COL1A2: variants seen among roughly 807,000 people sequenced by gnomAD.
The protein encoded by COL1A2 is collagen type I alpha 2 chain, also known as collagen alpha-2(I) chain.
Under a neutral mutation model 174.3 loss-of-function variants are expected in COL1A2, and 49 were observed. That is an observed-to-expected ratio of 0.28 (90% CI 0.22 to 0.36). The LOEUF (loss-of-function observed/expected upper bound fraction) is 0.36, where lower values mean the gene tolerates loss of function less well. COL1A2 is among the 10% of genes least tolerant of loss of function. COL1A2 has a pLI of 1.00. For synonymous variants in COL1A2, 655 were observed against 606.6 expected (o/e 1.08, Z -1.17); for missense variants, 1,438 against 1,822.7 (o/e 0.79, Z 3.84).
At chr7:94,408,967 C>A in intron 16 of COL1A2, 144 bp downstream of exon 16, 1 of 816,418 alleles carries the variant, frequency 1.2e-6, no homozygotes, top group Non-Finnish European at 2.0e-6. Flanking sequence ...CATAGAATGA[C>A]CAGTTTTCTC....
chr7:94,419,430 G>T, intron 33 of COL1A2, 68 bp from the exon 34 acceptor site: 1 of 1,561,218 alleles, frequency 6.4e-7, no homozygotes, highest in East Asian at 2.2e-5. Flanking sequence ...CAGAAAAAAA[G>T]AATGACAAGG....
chr7:94,420,108 T>C, intron 34 of COL1A2, 125 bp from the exon 35 acceptor site: 1 of 1,210,194 alleles, frequency 8.3e-7, no homozygotes, highest in Non-Finnish European at 1.2e-6. Context: ...CTGTGAGATG[T>C]GCGTCAGTTA....
chr7:94,421,122 T>C, intron 38 of COL1A2, 60 bp downstream of exon 38: 1 of 1,576,728 alleles, frequency 6.3e-7, no homozygotes. Flanking sequence ...TAAGGACACT[T>C]GAAAGTTTTG....
At chr7:94,399,941 T>C (rs576818749) in intron 4 of COL1A2, 26 of 561,198 alleles carry the variant, frequency 4.6e-5, no homozygotes, top group East Asian at 2.4e-4. Context: ...ATTTGAATAC[T>C]GGAGCTTCAG....
chr7:94,413,650 C>T, intron 26 of COL1A2, 40 bp from the exon 27 acceptor site: 1 of 1,597,702 alleles, frequency 6.3e-7, no homozygotes, highest in African/African-American at 1.3e-5. Context: ...AACTACCTGG[C>T]TTGCAGCTAA....
At chr7:94,417,158 A>T (rs928002731) in intron 31 of COL1A2, among the ~76,000 whole-genome samples, 2 of 152,236 alleles carry the variant, frequency 1.3e-5, no homozygotes, top group African/African-American at 2.4e-5. Flanking sequence ...GGAAAAAAAT[A>T]AAAACATAAA....
chr7:94,406,466 CTG>C (rs1747541623), intron 12 of COL1A2, among the ~76,000 whole-genome samples, 163 bp downstream of exon 12: 1 of 151,726 alleles, frequency 6.6e-6, no homozygotes, highest in African/African-American at 2.4e-5. Flanking sequence ...CTATGAGAGT[CTG>C]TGAAAAAAGG....
At position 94,395,108 on chromosome 7, in the gene COL1A2, G is replaced by T; in HGVS notation, c.70+7G>T. The T allele has an allele frequency of 6.2e-7, 1 of 1,613,574 alleles. No homozygotes were observed. Among genetic ancestry groups the T allele is most frequent in the Non-Finnish European group, 8.5e-7 (1 of 1,179,556 alleles). ...TGCCTAGCAACATGCCAATGTAAGT[G>T]CCTTCAGCTTGTTTGGGGGAGACTG... On this transcript the variant is annotated splice_region_variant and intron_variant, in intron 1 of 51. Transcript: ENST00000297268.
Position 94,429,222 on chromosome 7 carries a change from A to T in COL1A2, c.3746A>T (p.Glu1249Val). 1 of 1,613,004 alleles carries T rather than the reference A, an allele frequency of 6.2e-7. No individual in the cohort carries two copies. Residue 1249 changes from glutamate (E) to valine (V), a missense_variant, in exon 51 of 52, where the codon GAA (glutamate) becomes GTA (valine). Around this residue, in one of 3 missense-constraint regions of COL1A2, gnomAD observed 290 missense variants for 298.1 expected, o/e 0.97. Coordinates refer to ENST00000297268, the MANE Select transcript of COL1A2 (RefSeq NM_000089.4). ...EYNVEGVTSKEMATQLAFMRL... is the reference protein window; with the variant it reads ...EYNVEGVTSKVMATQLAFMRL... The stretch of plus-strand genomic sequence containing the variant: ...AATGTAGAAGGAGTGACTTCCAAGG[A>T]AATGGCTACCCAACTTGCCTTCATG...
At position 94,416,420 on chromosome 7, in the gene COL1A2, C is replaced by G. The variant is rs1396856908; in HGVS notation, c.1780C>G (p.Pro594Ala). ...PAGPRGERGP[P>A]GESGAAGPTG... The stretch of plus-strand genomic sequence containing the variant: ...CTTTTTTCAGGGGGAACGCGGTCCC[C>G]CAGGTGAGAGTGGTGCTGCCGGTCC... Residue 594 changes from proline to alanine, a missense_variant, in exon 31 of 52, where the codon CCA becomes GCA. Pro to Ala is a conservative substitution (Grantham distance 27). Around this residue, in one of 3 missense-constraint regions of COL1A2, gnomAD observed 867 missense variants for 1,213.7 expected, o/e 0.71. Coordinates refer to ENST00000297268, the MANE Select transcript of COL1A2 (RefSeq NM_000089.4). 7.0e-6 allele frequency: 11 copies of G among 1,579,560 alleles called. No individual in the cohort carries two copies. Among genetic ancestry groups the G allele is most frequent in the Non-Finnish European group, 9.5e-6 (11 of 1,161,858 alleles).
chr7:94,408,459 A>T, intron 15 of COL1A2, 79 bp downstream of exon 15: 1 of 1,478,266 alleles, frequency 6.8e-7, no homozygotes, highest in Non-Finnish European at 9.5e-7. Context: ...TCTCTTACGA[A>T]ATAGCATCAT....
In COL1A2 at chr7:94,413,728, A is replaced by G; in HGVS notation, c.1596A>G (p.Gly532=). The G allele has an allele frequency of 6.2e-7, 1 of 1,614,130 alleles. No homozygotes were observed. The highest frequency in any genetic ancestry group is 8.5e-7 in the Non-Finnish European group (1 of 1,180,036). Reference sequence around the variant, plus strand: ...CTGATGGAAACAATGGTGCTCAGGGACCTCCTGGACCACAGGTGAGTATTT... The same window carrying G: ...CTGATGGAAACAATGGTGCTCAGGGGCCTCCTGGACCACAGGTGAGTATTT... The part of the protein sequence containing the change: ...PGPDGNNGAQ[G]PPGPQGVQGG... Residue 532 remains glycine (G), a synonymous_variant, in exon 27 of 52, where the codon GGA becomes GGG. Coordinates refer to ENST00000297268, the MANE Select transcript of COL1A2 (RefSeq NM_000089.4).
chr7:94,423,460 T>G (rs536786132), intron 40 of COL1A2: 1 of 361,832 alleles, frequency 2.8e-6, no homozygotes, highest in East Asian at 6.6e-5. Flanking sequence ...ACCAATTTCT[T>G]AAACATACAC....
intron 1 of COL1A2, 46 bp from the exon 2 acceptor site, chr7:94,397,702 G>C (rs189048266): frequency 7.5e-6 from 8 of 1,072,334 alleles, no homozygotes; most frequent in Non-Finnish European, 1.0e-5. Flanking sequence ...GATCCATGAA[G>C]TGATACTAAT....
chr7:94,412,613 C>A lies in COL1A2; in HGVS notation c.1434C>A (p.Gly478=), dbSNP rs756412829. 6.2e-7 allele frequency: 1 copy of A among 1,613,910 alleles called. No homozygotes were observed. Among genetic ancestry groups the A allele is most frequent in the Non-Finnish European group, 8.5e-7 (1 of 1,179,932 alleles). The change falls in exon 25 of 52, where the codon GGC becomes GGA. Residue 478 remains glycine (G), a synonymous_variant. Coordinates refer to ENST00000297268, the MANE Select transcript of COL1A2 (RefSeq NM_000089.4). ...TCCCTGGCATCGACGGCAGGCCTGG[C>A]CCAATTGGCCCAGCTGGAGCAAGAG... ...VGLPGIDGRP[G]PIGPAGARGE... is the part of the protein sequence containing the mutation.
chr7:94,408,929 C>T (rs1427081633), intron 16 of COL1A2, 106 bp downstream of exon 16: 1 of 1,050,484 alleles, frequency 9.5e-7, no homozygotes, highest in African/African-American at 1.6e-5. Flanking sequence ...AAACAGTTAC[C>T]TTAATTATTC....
In COL1A2 at chr7:94,408,751, C is replaced by T. The variant is rs1450245841; in HGVS notation, c.739-19C>T. 7 of 1,613,416 alleles carry T rather than the reference C, an allele frequency of 4.3e-6. No homozygotes were observed. Among genetic ancestry groups the T allele is most frequent in the Non-Finnish European group, 5.9e-6 (7 of 1,179,712 alleles). ...TTTACTTGGAGGAAATTTCTTACCA[C>T]CTTCTGCTTTGATTTCAGGGTCCCA... On this transcript the variant is annotated intron_variant, in intron 15 of 51. Coordinates refer to ENST00000297268, the MANE Select transcript of COL1A2 (RefSeq NM_000089.4).
At chr7:94,420,747 C>T in intron 37 of COL1A2, 99 bp downstream of exon 37, 1 of 1,100,512 alleles carries the variant, frequency 9.1e-7, no homozygotes, top group African/African-American at 1.6e-5. Flanking sequence ...AGGGAATATA[C>T]CAGATAGAAG....
intron 41 of COL1A2, 109 bp from the exon 42 acceptor site, chr7:94,425,008 T>A: frequency 1.1e-6 from 1 of 913,916 alleles, no homozygotes; most frequent in South Asian, 1.4e-5. Context: ...CACATTCAAT[T>A]TACCTTCTTC....
Sources: gnomAD v4.1 joint callset for allele counts (sites outside exome capture counted in the v4.1 genomes callset) on GRCh38, gnomAD v4.1.1 for gene constraint, gnomAD v4.1.1 regional missense constraint, MANE v1.5 for transcripts, NCBI Gene and HGNC (gene_info 2026-07-23, HGNC 2026-07-21) for gene names.